The following CPE variants were observed in gnomAD, a reference collection of about 807,000 sequenced individuals.
CPE encodes carbocypeptidase E.
In CPE, 17 loss-of-function variants were observed where a neutral mutation model predicts 53.5. That is an observed-to-expected ratio of 0.32 (90% CI 0.22 to 0.48). The LOEUF is 0.48. Among genes scored for constraint, CPE ranks in the 20% least tolerant of loss-of-function variants. The pLI is 0.99. For synonymous variants in CPE, 226 were observed against 228.8 expected (o/e 0.99, Z 0.11); for missense variants, 524 against 614.7 (o/e 0.85, Z 1.56).
At chr4:165,390,513 T>C (rs1730663997) in intron 1 of CPE, among the ~76,000 whole-genome samples, 1 of 152,214 alleles carries the variant, frequency 6.6e-6, no homozygotes, top group Non-Finnish European at 1.5e-5. Context: ...ATAAAAATGC[T>C]TCTATGTGTT....
chr4:165,418,021 GT>G (rs1731154169), intron 1 of CPE, among the ~76,000 whole-genome samples: 2 of 152,162 alleles, frequency 1.3e-5, no homozygotes, highest in Non-Finnish European at 2.9e-5. Context: ...ATTCTGACAG[GT>G]GGACTGAGAG....
chr4:165,390,484 A>G (rs972094942), intron 1 of CPE, among the ~76,000 whole-genome samples: 3 of 152,202 alleles, frequency 2.0e-5, no homozygotes, highest in Non-Finnish European at 4.4e-5. Flanking sequence ...AGAGGTGTTG[A>G]ACATGTGCAA....
At chr4:165,401,526 A>G (rs1454169066) in intron 1 of CPE, among the ~76,000 whole-genome samples, 1 of 152,224 alleles carries the variant, frequency 6.6e-6, no homozygotes, top group Non-Finnish European at 1.5e-5. Flanking sequence ...GAAACCTGTC[A>G]CGTAAGATTT....
intron 1 of CPE, among the ~76,000 whole-genome samples, chr4:165,444,217 G>A (rs1305552173): frequency 3.3e-5 from 5 of 152,152 alleles, no homozygotes; most frequent in Admixed American, 3.3e-4. Context: ...GAGGCATGGA[G>A]TAACCTTGCC....
At chr4:165,386,802 T>C (rs1228489415) in intron 1 of CPE, among the ~76,000 whole-genome samples, 1 of 152,230 alleles carries the variant, frequency 6.6e-6, no homozygotes, top group African/African-American at 2.4e-5. Context: ...CTTTAAAAAC[T>C]CTGCATGAGA....
intron 3 of CPE, among the ~76,000 whole-genome samples, chr4:165,470,731 C>A (rs1353170021): frequency 1.3e-5 from 2 of 152,098 alleles, no homozygotes; most frequent in East Asian, 3.9e-4. Context: ...ACATTTCCCC[C>A]CTCAAGAATC....
chr4:165,457,544 C>T (rs1445523880), intron 1 of CPE, among the ~76,000 whole-genome samples: 1 of 152,134 alleles, frequency 6.6e-6, no homozygotes, highest in East Asian at 1.9e-4. Flanking sequence ...TTTTAGATGT[C>T]ATATGTAAGA....
intron 1 of CPE, chr4:165,405,626 G>A (rs1183625137): frequency 1.9e-5 from 15 of 786,586 alleles, no homozygotes; most frequent in Admixed American, 3.4e-5. Flanking sequence ...TAGTCCTTTG[G>A]GAAAGTAATT....
At chr4:165,444,595 C>G (rs1199266040) in intron 1 of CPE, among the ~76,000 whole-genome samples, 1 of 152,202 alleles carries the variant, frequency 6.6e-6, no homozygotes, top group Admixed American at 6.5e-5. Context: ...GGTGGGGAGA[C>G]TGTGTACAGC....
intron 1 of CPE, among the ~76,000 whole-genome samples, chr4:165,402,601 C>T (rs1730887121): frequency 6.6e-6 from 1 of 152,182 alleles, no homozygotes; most frequent in African/African-American, 2.4e-5. Flanking sequence ...CCTTTCTCTC[C>T]ATGTGACGTG....
chr4:165,400,768 A>G (rs954725190), intron 1 of CPE, among the ~76,000 whole-genome samples: 2 of 152,184 alleles, frequency 1.3e-5, no homozygotes, highest in Admixed American at 6.5e-5. Flanking sequence ...GAAAGATTAC[A>G]TACTATTTTC....
At chr4:165,427,346 T>C (rs1731338602) in intron 1 of CPE, among the ~76,000 whole-genome samples, 1 of 152,008 alleles carries the variant, frequency 6.6e-6, no homozygotes, top group African/African-American at 2.4e-5. Context: ...TTTTTTTTCC[T>C]GTGCATATGT....
In CPE at chr4:165,485,116, T is replaced by C. The variant is rs141907135; in HGVS notation, c.973+512T>C. 7.0e-3 allele frequency among the ~76,000 whole-genome samples: 1,067 copies of C among 152,232 alleles called. 11 individuals carry two copies. The highest frequency in any genetic ancestry group is 0.024 in the African/African-American group (1,017 of 41,530). ...ATAATCTCTATGAGATCAGGTAGCT[T>C]TTTGCCTTTTAGTCTGAAAAGGAAG... On this transcript the variant is annotated intron_variant, in intron 5 of 8. Coordinates refer to ENST00000402744, the MANE Select transcript of CPE (RefSeq NM_001873.4).
At chr4:165,420,064 C>T (rs1431092431) in intron 1 of CPE, among the ~76,000 whole-genome samples, 1 of 151,758 alleles carries the variant, frequency 6.6e-6, no homozygotes, top group Non-Finnish European at 1.5e-5. Flanking sequence ...CTTTTGTAGC[C>T]TTATATGTGT....
In CPE at chr4:165,464,381, A is replaced by C. The variant is rs746425183; in HGVS notation, c.308-9A>C. 2.5e-6 allele frequency: 4 copies of C among 1,590,798 alleles called. No individual in the cohort carries two copies. Among genetic ancestry groups the C allele is most frequent in the Admixed American group, 1.7e-5 (1 of 57,728 alleles). On this transcript the variant is annotated splice_polypyrimidine_tract_variant and intron_variant, in intron 1 of 8. Transcript: ENST00000402744. ...GAAAACATCTCCATGCTATCTATTA[A>C]TCTTTTAGGTGAGCCTGAATTTAAA...
chr4:165,393,548 A>C (rs1170881413), intron 1 of CPE, among the ~76,000 whole-genome samples: 2 of 152,200 alleles, frequency 1.3e-5, no homozygotes. Flanking sequence ...GACATTAAAC[A>C]ACCTGCCCAA....
intron 1 of CPE, among the ~76,000 whole-genome samples, chr4:165,460,961 T>C (rs1731987768): frequency 6.7e-6 from 1 of 149,334 alleles, no homozygotes; most frequent in African/African-American, 2.5e-5. Flanking sequence ...AACTGAGGTG[T>C]TAAAAATAAC....
Position 165,497,526 on chromosome 4 carries a change from G to A in CPE, c.1347G>A (p.Leu449=). 1 of 1,566,694 alleles carries A rather than the reference G, an allele frequency of 6.4e-7. No individual in the cohort carries two copies. Among genetic ancestry groups the A allele is most frequent in the South Asian group, 1.2e-5 (1 of 81,154 alleles). ...YSPAAGVDFE[L]ESFSERKEEE... ...TTCTCTTTTAGGTTGATTTTGAACT[G>A]GAGTCATTTTCTGAAAGGAAAGAAG... The change falls in exon 9 of 9, where the codon CTG becomes CTA. Residue 449 remains leucine, a synonymous_variant. Transcript: ENST00000402744.
At position 165,484,513 on chromosome 4, in the gene CPE, C is replaced by T; in HGVS notation, c.882C>T (p.Asp294=). The T allele has an allele frequency of 6.2e-7, 1 of 1,614,144 alleles. No homozygotes were observed. The highest frequency in any genetic ancestry group is 8.5e-7 in the Non-Finnish European group (1 of 1,179,994). Residue 294 remains aspartate (D), a synonymous_variant, in exon 5 of 9, where the codon GAC becomes GAT. Transcript: ENST00000402744. ...CTTCTTTCAACCCGGCCATGTCTGA[C>T]CCCAATCGGCCACCATGTCGCAAGA... ...AYSSFNPAMS[D]PNRPPCRKND...
Sources: allele counts gnomAD v4.1 joint callset (sites outside exome capture counted in the v4.1 genomes callset), GRCh38; gene constraint gnomAD v4.1.1; transcripts MANE v1.5; gene names NCBI Gene and HGNC (gene_info 2026-07-23, HGNC 2026-07-21).